The following APP variants were observed in gnomAD, a reference collection of about 807,000 sequenced individuals.
APP encodes amyloid beta precursor protein.
In APP, 31 loss-of-function variants were observed where a neutral mutation model predicts 101.4. That is an observed-to-expected ratio of 0.31 (90% CI 0.23 to 0.41). The LOEUF (loss-of-function observed/expected upper bound fraction) is 0.41. Among genes scored for constraint, APP ranks in the 10% least tolerant of loss-of-function variants. The pLI is 1.00. For synonymous variants in APP, 366 were observed against 364.4 expected (o/e 1.00, Z -0.05); for missense variants, 839 against 1,003.7 (o/e 0.84, Z 2.22).
intron 3 of APP, among the ~76,000 whole-genome samples, chr21:26,085,288 T>C (rs780813652): frequency 1.3e-5 from 2 of 152,064 alleles, no homozygotes; most frequent in Non-Finnish European, 2.9e-5. Context: ...GGTCATTCCT[T>C]ATGAGACCAT....
chr21:26,061,895 C>T (rs2046277785), intron 3 of APP, among the ~76,000 whole-genome samples: 1 of 152,188 alleles, frequency 6.6e-6, no homozygotes. Flanking sequence ...ACCATATACA[C>T]ACACAGATGG....
At chr21:25,954,552 C>T in intron 13 of APP, 38 bp downstream of exon 13, 2 of 1,543,062 alleles carry the variant, frequency 1.3e-6, no homozygotes, top group Non-Finnish European at 1.8e-6. Context: ...GGGGAAAATA[C>T]ATGTCCATGT....
chr21:26,040,746 G>A (rs2045338143), intron 5 of APP, among the ~76,000 whole-genome samples: 1 of 149,312 alleles, frequency 6.7e-6, no homozygotes, highest in African/African-American at 2.5e-5. Context: ...GGGTGACAGA[G>A]CGAGACTCTA....
chr21:26,152,341 G>A (rs1305397808), intron 1 of APP, among the ~76,000 whole-genome samples: 1 of 134,546 alleles, frequency 7.4e-6, no homozygotes, highest in African/African-American at 2.9e-5. Context: ...TTTCTAAAAA[G>A]CAAATGTACA....
intron 5 of APP, among the ~76,000 whole-genome samples, chr21:26,044,501 A>C (rs2045519363): frequency 1.3e-5 from 2 of 152,230 alleles, no homozygotes; most frequent in Non-Finnish European, 2.9e-5. Flanking sequence ...GAATTTTCTC[A>C]AGCTCAAGAA....
At chr21:25,998,953 C>A (rs2043164331) in intron 7 of APP, among the ~76,000 whole-genome samples, 1 of 151,986 alleles carries the variant, frequency 6.6e-6, no homozygotes, top group African/African-American at 2.4e-5. Flanking sequence ...TATTTTTATC[C>A]CCCGGAATTA....
chr21:26,044,411 A>G (rs2045515074), intron 5 of APP, among the ~76,000 whole-genome samples: 2 of 152,260 alleles, frequency 1.3e-5, no homozygotes, highest in East Asian at 1.9e-4. Context: ...CATTTTACCA[A>G]TTAGATAAAC....
At chr21:26,157,582 CAAT>C (rs1310061985) in intron 1 of APP, among the ~76,000 whole-genome samples, 3 of 152,184 alleles carry the variant, frequency 2.0e-5, no homozygotes, top group Non-Finnish European at 4.4e-5. Context: ...AATACTCTAA[CAAT>C]GATGATTCTA....
chr21:26,156,743 A>G (rs1346375562), intron 1 of APP, among the ~76,000 whole-genome samples: 2 of 152,216 alleles, frequency 1.3e-5, no homozygotes, highest in East Asian at 3.8e-4. Context: ...TTCTCAAATT[A>G]TATAATACAA....
chr21:25,902,874 A>G (rs767823607), intron 15 of APP, among the ~76,000 whole-genome samples: 1 of 152,174 alleles, frequency 6.6e-6, no homozygotes, highest in African/African-American at 2.4e-5. Flanking sequence ...TCAAACCTAG[A>G]AAGAATTTAG....
intron 16 of APP, among the ~76,000 whole-genome samples, chr21:25,895,088 TAAAAG>T (rs906791746): frequency 1.4e-5 from 2 of 146,062 alleles, no homozygotes; most frequent in South Asian, 2.2e-4. Context: ...ATTTTACTAA[TAAAAG>T]TAAAGTATAT....
At position 25,993,133 on chromosome 21, in the gene APP, C is replaced by G. The variant is rs887758196; in HGVS notation, c.1090+4227G>C. Among the ~76,000 whole-genome samples, 6 of 152,248 alleles carry G rather than the reference C, an allele frequency of 3.9e-5. No homozygotes were observed. The South Asian group carries it at 6.2e-4, about 16-fold the overall frequency. On this transcript the variant is annotated intron_variant, in intron 8 of 17. Coordinates refer to ENST00000346798, the MANE Select transcript of APP (RefSeq NM_000484.4). Reference sequence around the variant, plus strand: ...ACAAACTTGGAACCTGGGGATGGAACTTGGGGCCTGACTTGTTAAGTTCCA... The same window carrying G: ...ACAAACTTGGAACCTGGGGATGGAAGTTGGGGCCTGACTTGTTAAGTTCCA...
intron 1 of APP, among the ~76,000 whole-genome samples, chr21:26,155,611 A>G (rs2063359380): frequency 6.6e-6 from 1 of 152,238 alleles, no homozygotes; most frequent in South Asian, 2.1e-4. Context: ...TCCATATTAA[A>G]TGTGTAAAGG....
intron 13 of APP, among the ~76,000 whole-genome samples, chr21:25,928,279 T>G (rs1350132564): frequency 6.6e-6 from 1 of 152,050 alleles, no homozygotes; most frequent in African/African-American, 2.4e-5. Flanking sequence ...GAGGCGGAGC[T>G]TGCAGCGAGC....
intron 3 of APP, among the ~76,000 whole-genome samples, chr21:26,074,470 T>C (rs1304579490): frequency 1.3e-5 from 2 of 152,202 alleles, no homozygotes; most frequent in Non-Finnish European, 2.9e-5. Flanking sequence ...AAATTAATTC[T>C]TAAGGCCAGG....
intron 9 of APP, among the ~76,000 whole-genome samples, chr21:25,980,094 G>A (rs1333669543): frequency 6.6e-6 from 1 of 152,204 alleles, no homozygotes; most frequent in East Asian, 1.9e-4. Context: ...GCAAAGGGAA[G>A]CCCAAGATGA....
chr21:26,129,072 G>A (rs2062740153), intron 1 of APP, among the ~76,000 whole-genome samples: 1 of 152,150 alleles, frequency 6.6e-6, no homozygotes, highest in South Asian at 2.1e-4. Context: ...TTAGAATGAA[G>A]GAGTGTTTCC....
intron 2 of APP, among the ~76,000 whole-genome samples, chr21:26,100,689 CA>C (rs1430718719): frequency 7.6e-6 from 1 of 131,308 alleles, no homozygotes; most frequent in Non-Finnish European, 1.7e-5. Flanking sequence ...ATCTAACAGG[CA>C]GTTTCTGCTT....
At chr21:25,913,074 T>C (rs1569046556) in intron 13 of APP, among the ~76,000 whole-genome samples, 1 of 152,240 alleles carries the variant, frequency 6.6e-6, no homozygotes, top group South Asian at 2.1e-4. Flanking sequence ...GTTTTATTGC[T>C]AGAGAAAATG....
Sources: allele counts gnomAD v4.1 joint callset (sites outside exome capture counted in the v4.1 genomes callset), GRCh38; gene constraint gnomAD v4.1.1; transcripts MANE v1.5; gene names NCBI Gene and HGNC (gene_info 2026-07-23, HGNC 2026-07-21).